The following SAR1A variants were observed in gnomAD, a reference collection of about 807,000 sequenced individuals.
SAR1A encodes small COPII coat GTPase SAR1A.
A neutral mutation model predicts 22.6 loss-of-function variants in SAR1A; 6 were observed. That is an observed-to-expected ratio of 0.27 (90% CI 0.15 to 0.52). The LOEUF (loss-of-function observed/expected upper bound fraction) is 0.52, where lower values mean the gene tolerates loss of function less well. SAR1A is among the 20% of genes least tolerant of loss of function. SAR1A has a pLI of 0.96. For missense variants in SAR1A, 145 were observed against 245.1 expected, an observed-to-expected ratio of 0.59 and a Z score of 2.73; for synonymous variants, 70 against 82.2, an observed-to-expected ratio of 0.85 and a Z score of 0.80.
At position 70,152,539 on chromosome 10, in the gene SAR1A, G is replaced by A; in HGVS notation, c.534C>T (p.Cys178=). Residue 178 remains cysteine, a synonymous_variant, in exon 7 of 7, where the codon TGC becomes TGT. Coordinates refer to ENST00000373241, the MANE Select transcript of SAR1A (RefSeq NM_020150.5). ...LNARPMEVFM[C]SVLKRQGYGE... ...CGTAACCTTGCCTCTTGAGCACACT[G>A]CACATGAACACTTCCATGGGGCGAG... 6.2e-7 allele frequency: 1 copy of A among 1,614,138 alleles called. No individual in the cohort carries two copies. The highest frequency in any genetic ancestry group is 8.5e-7 in the Non-Finnish European group (1 of 1,180,014).
chr10:70,163,730 G>GT, intron 1 of SAR1A: 1 of 880,888 alleles, frequency 1.1e-6, no homozygotes, highest in Non-Finnish European at 1.9e-6. Flanking sequence ...ATTCAAAGAA[G>GT]TTTTTTCACT....
intron 6 of SAR1A, among the ~76,000 whole-genome samples, chr10:70,152,961 A>G: frequency 6.6e-6 from 1 of 152,258 alleles, no homozygotes; most frequent in South Asian, 2.1e-4. Flanking sequence ...CTCATTAACA[A>G]AAGCATGCAG....
chr10:70,153,978 T>C lies in SAR1A; in HGVS notation c.349-9A>G. ...TCATCAGTCATTAAAGCCTAAAGAT[T>C]GAAAAAAAAGAAAAAAAGAAAAAAA... On this transcript the variant is annotated splice_polypyrimidine_tract_variant and intron_variant, in intron 5 of 6. Coordinates refer to ENST00000373241, the MANE Select transcript of SAR1A (RefSeq NM_020150.5). 1 of 1,548,632 alleles carries C rather than the reference T, an allele frequency of 6.5e-7. No homozygotes were observed. The highest frequency in any genetic ancestry group is 8.7e-7 in the Non-Finnish European group (1 of 1,154,814).
At chr10:70,164,251 G>C (rs1288324481) in intron 1 of SAR1A, 2 of 543,408 alleles carry the variant, frequency 3.7e-6, no homozygotes, top group African/African-American at 3.8e-5. Context: ...ATGGTAATCA[G>C]GACTTCATTC....
intron 6 of SAR1A, 59 bp from the exon 7 acceptor site, chr10:70,152,651 A>C (rs1453936346): frequency 1.8e-6 from 2 of 1,118,222 alleles, no homozygotes; most frequent in African/African-American, 3.1e-5. Flanking sequence ...AAAGATTGAA[A>C]GGACGATCAT....
In SAR1A at chr10:70,151,349, A is replaced by C. The variant is rs1308687354; in HGVS notation, c.*1127T>G. ...CAATAAAATAGGTGTCAAAGGAGAA[A>C]AAATGTAAAAAAAAGAGCTCCCAAA... is the stretch of plus-strand genomic sequence containing the variant. On this transcript the variant is annotated 3_prime_UTR_variant, in exon 7 of 7. Transcript: ENST00000373241. 6.6e-6 allele frequency: 1 copy of C among 151,296 alleles called. No individual in the cohort carries two copies. Among genetic ancestry groups the C allele is most frequent in the Admixed American group, 6.6e-5 (1 of 15,092 alleles). The allele number at this position is 151,296 out of a possible 1,614,324, so 9.4% of individuals were successfully genotyped here.
intron 1 of SAR1A, among the ~76,000 whole-genome samples, chr10:70,168,635 A>AT (rs1374960360): frequency 6.6e-6 from 1 of 152,154 alleles, no homozygotes; most frequent in African/African-American, 2.4e-5. Context: ...TGATGTAAAC[A>AT]TTTTTTACAA....
Position 70,161,008 on chromosome 10 carries a change from C to T in SAR1A, c.240G>A (p.Glu80=), listed in dbSNP as rs751484254. The T allele has an allele frequency of 1.2e-6, 2 of 1,611,212 alleles. No homozygotes were observed. Among genetic ancestry groups the T allele is most frequent in the South Asian group, 2.2e-5 (2 of 90,782 alleles). ...TFTTFDLGGH[E]QARRVWKNYL... is the part of the protein sequence containing the mutation. ...TTCCACTGAGTCATCACTTACCTTG[C>T]TCGTGCCCACCAAGATCAAAAGTTG... is the stretch of plus-strand genomic sequence containing the variant. Residue 80 remains glutamate, a synonymous_variant, in exon 4 of 7, where the codon GAG becomes GAA. Coordinates refer to ENST00000373241, the MANE Select transcript of SAR1A (RefSeq NM_020150.5).
intron 5 of SAR1A, among the ~76,000 whole-genome samples, chr10:70,156,563 T>C (rs1839389434): frequency 6.6e-6 from 1 of 151,846 alleles, no homozygotes; most frequent in Non-Finnish European, 1.5e-5. Flanking sequence ...TCCTAGCTAC[T>C]TGGGAGGCTG....
chr10:70,166,448 T>G (rs1253826814), intron 1 of SAR1A, among the ~76,000 whole-genome samples: 1 of 152,184 alleles, frequency 6.6e-6, no homozygotes, highest in Non-Finnish European at 1.5e-5. Flanking sequence ...AACATATTAA[T>G]CTATCCTGTA....
chr10:70,157,765 T>G lies in SAR1A; in HGVS notation c.347A>C (p.Asn116Thr), dbSNP rs747645487. The G allele has an allele frequency of 5.0e-6, 8 of 1,608,932 alleles. No homozygotes were observed. In the South Asian group the frequency reaches 8.8e-5, roughly 18 times the overall value. ...SRLVESKVEL[N>T]ALMTDETISN... ...TACACATTAAAGGACAAAACATACA[T>G]TAAGCTCAACTTTGGATTCCACGAG... Residue 116 changes from asparagine to threonine, a missense_variant and splice_region_variant, in exon 5 of 7, where the codon AAT becomes ACT. By Grantham distance (65) the Asn-to-Thr change is moderately conservative. Transcript: ENST00000373241.
At position 70,168,964 on chromosome 10, in the gene SAR1A, T is replaced by C. The variant is rs76448939; in HGVS notation, c.-17+1449A>G. Among the ~76,000 whole-genome samples, 1,345 of 152,112 alleles carry C rather than the reference T, an allele frequency of 8.8e-3. 20 individuals are homozygous for C. Among genetic ancestry groups the C allele is most frequent in the African/African-American group, 0.031 (1,295 of 41,472 alleles). On this transcript the variant is annotated intron_variant, in intron 1 of 6. Transcript: ENST00000373241. The stretch of plus-strand genomic sequence containing the variant: ...CCTCAGCCTCCTCAGCAGCTGAAAA[T>C]GGCCTTGGTGGCTCCTCTCTCCTTA...
At chr10:70,155,009 C>A in intron 5 of SAR1A, 1 of 473,080 alleles carries the variant, frequency 2.1e-6, no homozygotes. Flanking sequence ...CAGGAAGCCA[C>A]ACAGTACTGC....
At chr10:70,154,054 C>T (rs1057233060) in intron 5 of SAR1A, 85 bp from the exon 6 acceptor site, 3 of 1,045,846 alleles carry the variant, frequency 2.9e-6, no homozygotes, top group Admixed American at 2.6e-5. Flanking sequence ...AAAATTCTGA[C>T]TTCCACTAAT....
At chr10:70,164,544 T>A (rs966618474) in intron 1 of SAR1A, among the ~76,000 whole-genome samples, 1 of 152,194 alleles carries the variant, frequency 6.6e-6, no homozygotes, top group Non-Finnish European at 1.5e-5. Context: ...GCAGAATGGG[T>A]GTATTATCCA....
At chr10:70,153,472 G>A (rs1839352226) in intron 6 of SAR1A, among the ~76,000 whole-genome samples, 1 of 152,036 alleles carries the variant, frequency 6.6e-6, no homozygotes, top group South Asian at 2.1e-4. Context: ...GAAAGTGATT[G>A]AAATGATTAT....
chr10:70,149,547 A>ATTTTTTTTGT lies in SAR1A; in HGVS notation c.*2928_*2929insACAAAAAAAA, dbSNP rs1839302506. On this transcript the variant is annotated 3_prime_UTR_variant, in exon 7 of 7. Transcript: ENST00000373241. ...TTTTGCCAAATGTAGCATTTAATTG[A>ATTTTTTTTGT]TTTTTTTTTTTTTTTTTTTTTTGAG... 1.5e-5 allele frequency: 1 copy of ATTTTTTTTGT among 68,036 alleles called. No homozygotes were observed. The highest frequency in any genetic ancestry group is 6.6e-5 in the African/African-American group (1 of 15,126). The allele number at this position is 68,036 out of a possible 1,614,324, so 4.2% of individuals were successfully genotyped here.
At chr10:70,160,423 T>G (rs796595509) in intron 4 of SAR1A, among the ~76,000 whole-genome samples, 8 of 152,254 alleles carry the variant, frequency 5.3e-5, no homozygotes, top group African/African-American at 1.9e-4. Flanking sequence ...GGGCATGATA[T>G]GCTCACAAAC....
chr10:70,165,948 C>A (rs899848270), intron 1 of SAR1A, among the ~76,000 whole-genome samples: 1 of 152,234 alleles, frequency 6.6e-6, no homozygotes, highest in South Asian at 2.1e-4. Context: ...CAATCATCAA[C>A]CTGATCAGTC....
Sources: gnomAD v4.1 joint callset for allele counts (sites outside exome capture counted in the v4.1 genomes callset) on GRCh38, gnomAD v4.1.1 for gene constraint, MANE v1.5 for transcripts, NCBI Gene and HGNC (gene_info 2026-07-23, HGNC 2026-07-21) for gene names.